The following TENM4 variants were observed in gnomAD, a reference collection of about 807,000 sequenced individuals.
TENM4 encodes the protein teneurin transmembrane protein 4.
A neutral mutation model predicts 243.3 loss-of-function variants in TENM4; 82 were observed. That is an observed-to-expected ratio of 0.34 (90% CI 0.28 to 0.40). The LOEUF is 0.40. Among genes scored for constraint, TENM4 ranks in the 10% least tolerant of loss-of-function variants. TENM4 has a pLI of 1.00. For synonymous variants in TENM4, 1,412 were observed against 1,456.3 expected (o/e 0.97, Z 0.69); for missense variants, 3,138 against 3,673.3 (o/e 0.85, Z 3.77).
In TENM4 at chr11:78,796,455, C is replaced by T. The variant is rs564736352; in HGVS notation, c.2179+8837G>A. The stretch of plus-strand genomic sequence containing the variant: ...GAGACAGCTGATGTTACACTCTCTT[C>T]CTAATGACCTCTGACCCTAATAACC... On this transcript the variant is annotated intron_variant, in intron 15 of 33. Transcript: ENST00000278550. Among the ~76,000 whole-genome samples, 7 of 152,288 alleles carry T rather than the reference C, an allele frequency of 4.6e-5. No individual in the cohort carries two copies. In the East Asian group the frequency reaches 1.4e-3, roughly 29 times the overall value.
intron 6 of TENM4, among the ~76,000 whole-genome samples, chr11:79,017,709 C>A (rs1858815811): frequency 2.0e-5 from 3 of 152,078 alleles, no homozygotes; most frequent in Admixed American, 2.0e-4. Context: ...GGCAAACCTG[C>A]AAGCAAGCAG....
At chr11:79,372,731 C>T (rs939302576) in intron 1 of TENM4, among the ~76,000 whole-genome samples, 1 of 152,108 alleles carries the variant, frequency 6.6e-6, no homozygotes, top group African/African-American at 2.4e-5. Context: ...TATATGAGCT[C>T]ATGAAGATAT....
chr11:79,161,941 C>G (rs1050616481), intron 3 of TENM4, among the ~76,000 whole-genome samples: 1 of 152,172 alleles, frequency 6.6e-6, no homozygotes, highest in African/African-American at 2.4e-5. Flanking sequence ...ATCATTACCC[C>G]CAGTTACAAA....
chr11:78,985,089 G>T (rs549967629), intron 6 of TENM4, among the ~76,000 whole-genome samples: 1 of 152,262 alleles, frequency 6.6e-6, no homozygotes, highest in East Asian at 1.9e-4. Flanking sequence ...GATAAAAATG[G>T]TATCTGCCTC....
intron 3 of TENM4, among the ~76,000 whole-genome samples, chr11:79,183,374 T>A (rs1375469729): frequency 6.6e-6 from 1 of 152,158 alleles, no homozygotes; most frequent in Non-Finnish European, 1.5e-5. Flanking sequence ...AGTGAAAAGA[T>A]CAGTGGTTGC....
At chr11:78,797,122 G>A (rs1042344531) in intron 15 of TENM4, among the ~76,000 whole-genome samples, 1 of 152,224 alleles carries the variant, frequency 6.6e-6, no homozygotes, top group Non-Finnish European at 1.5e-5. Context: ...GCAGAGTTGT[G>A]CAGAGGATAA....
chr11:79,399,542 G>T (rs1456802947), intron 1 of TENM4, among the ~76,000 whole-genome samples: 1 of 152,170 alleles, frequency 6.6e-6, no homozygotes, highest in Non-Finnish European at 1.5e-5. Context: ...AGGCGATCTT[G>T]TCCAAGATGC....
At chr11:78,944,484 C>T (rs1321692457) in intron 6 of TENM4, among the ~76,000 whole-genome samples, 2 of 152,160 alleles carry the variant, frequency 1.3e-5, no homozygotes, top group African/African-American at 4.8e-5. Context: ...TCCTCCCAGC[C>T]CATCAAATCC....
intron 6 of TENM4, among the ~76,000 whole-genome samples, chr11:79,062,035 C>T (rs1365948407): frequency 6.6e-6 from 1 of 150,460 alleles, no homozygotes; most frequent in Non-Finnish European, 1.5e-5. Flanking sequence ...AATCTTGGCT[C>T]ATGGCAACCT....
In TENM4 at chr11:79,195,666, G is replaced by A. The variant is rs570476647; in HGVS notation, c.-163+20142C>T. Among the ~76,000 whole-genome samples, 14 of 152,222 alleles carry A rather than the reference G, an allele frequency of 9.2e-5. No homozygotes were observed. The South Asian group carries it at 2.7e-3, about 29-fold the overall frequency. On this transcript the variant is annotated intron_variant, in intron 3 of 33. Coordinates refer to ENST00000278550, the MANE Select transcript of TENM4 (RefSeq NM_001098816.3). ...TTTACCAAATATCTGTACTCTCATT[G>A]TATCTAGGAAGTAACTAGCTTGCTT... is the stretch of plus-strand genomic sequence containing the variant.
intron 1 of TENM4, among the ~76,000 whole-genome samples, chr11:79,392,434 G>A (rs1302134863): frequency 6.6e-6 from 1 of 152,232 alleles, no homozygotes; most frequent in Non-Finnish European, 1.5e-5. Context: ...TAGCAGCCAG[G>A]ATGGCTGGGT....
intron 1 of TENM4, among the ~76,000 whole-genome samples, chr11:79,330,208 G>A (rs1212660255): frequency 6.6e-6 from 1 of 152,206 alleles, no homozygotes; most frequent in African/African-American, 2.4e-5. Flanking sequence ...AAGCTGGTGT[G>A]AGCTGCCAAT....
intron 1 of TENM4, among the ~76,000 whole-genome samples, chr11:79,303,734 T>C (rs988939418): frequency 2.0e-5 from 3 of 152,190 alleles, no homozygotes; most frequent in East Asian, 1.9e-4. Flanking sequence ...CTATCAATCA[T>C]CATAATAATC....
chr11:78,975,543 G>A (rs545945915), intron 6 of TENM4, among the ~76,000 whole-genome samples: 213 of 151,960 alleles, frequency 1.4e-3, no homozygotes, highest in Non-Finnish European at 2.6e-3. Flanking sequence ...GACTAAGAAA[G>A]TCCTTCCAAA....
At chr11:79,260,282 G>A (rs1253353125) in intron 2 of TENM4, among the ~76,000 whole-genome samples, 3 of 152,198 alleles carry the variant, frequency 2.0e-5, no homozygotes, top group Admixed American at 6.5e-5. Context: ...TGCTGACCCT[G>A]TGATGGCTCC....
intron 6 of TENM4, among the ~76,000 whole-genome samples, chr11:78,917,629 T>A (rs1278539523): frequency 6.6e-6 from 1 of 152,128 alleles, no homozygotes; most frequent in Non-Finnish European, 1.5e-5. Context: ...CCCAGCTCAA[T>A]CCCTAGGCAA....
intron 19 of TENM4, among the ~76,000 whole-genome samples, chr11:78,751,123 C>T (rs1221547399): frequency 6.6e-6 from 1 of 152,118 alleles, no homozygotes; most frequent in African/African-American, 2.4e-5. Flanking sequence ...TCAAGCGATC[C>T]ATCTGCCTCG....
chr11:79,188,767 C>G (rs1220547755), intron 3 of TENM4, among the ~76,000 whole-genome samples: 1 of 152,056 alleles, frequency 6.6e-6, no homozygotes, highest in African/African-American at 2.4e-5. Context: ...GGTCTGTCCA[C>G]ACTTGTCCAG....
At chr11:78,998,436 A>G (rs901375047) in intron 6 of TENM4, among the ~76,000 whole-genome samples, 21 of 152,372 alleles carry the variant, frequency 1.4e-4, no homozygotes, top group African/African-American at 4.8e-4. Flanking sequence ...CCAAATGAGG[A>G]GGTTGACAAA....
Sources: allele counts gnomAD v4.1 joint callset (sites outside exome capture counted in the v4.1 genomes callset), GRCh38; gene constraint gnomAD v4.1.1; transcripts MANE v1.5; gene names NCBI Gene and HGNC (gene_info 2026-07-23, HGNC 2026-07-21).